The following DNAH1 variants were observed in gnomAD, a reference collection of about 807,000 sequenced individuals.
DNAH1 encodes the protein dynein axonemal heavy chain 1.
In DNAH1, 327 loss-of-function variants were observed where a neutral mutation model predicts 484.3. The ratio of observed to expected loss-of-function variants is 0.68; its 90% CI spans 0.62 to 0.74. The LOEUF (loss-of-function observed/expected upper bound fraction) is 0.74. DNAH1 is among the 30% of genes least tolerant of loss of function. The probability of loss-of-function intolerance (pLI) is 0.00; values close to 1 mark genes in which losing one functional copy is unlikely to be tolerated. For missense variants in DNAH1, 5,052 were observed against 5,546.8 expected (o/e 0.91, Z 2.83); for synonymous variants, 2,192 against 2,191.9 (o/e 1.00, Z 0.00).
chr3:52,326,727 T>G lies in DNAH1; in HGVS notation c.582-8T>G, dbSNP rs748258867. On this transcript the variant is annotated splice_polypyrimidine_tract_variant and splice_region_variant and intron_variant, in intron 4 of 77. Transcript: ENST00000420323. Reference sequence around the variant, plus strand: ...CCATCCTGAGGTCCCCTCCCTGCCCTTGACCAGGAGGAAACAGCAGTACCT... The same window carrying G: ...CCATCCTGAGGTCCCCTCCCTGCCCGTGACCAGGAGGAAACAGCAGTACCT... 6.3e-7 allele frequency: 1 copy of G among 1,598,374 alleles called. No homozygotes were observed. Among genetic ancestry groups the G allele is most frequent in the East Asian group, 2.2e-5 (1 of 44,544 alleles).
At position 52,350,064 on chromosome 3, in the gene DNAH1, C is replaced by T. The variant is rs778209826; in HGVS notation, c.2602C>T (p.Arg868Ter). 8 of 1,612,942 alleles carry T rather than the reference C, an allele frequency of 5.0e-6. No homozygotes were observed. The East Asian group carries it at 6.7e-5, about 13-fold the overall frequency. ...CAGCATTGAGGAGCTGGCTGAGCTGCGAGAGTGGATGAAGGGCATCCCGGA... is the reference window on the plus strand; with the variant it reads ...CAGCATTGAGGAGCTGGCTGAGCTGTGAGAGTGGATGAAGGGCATCCCGGA... ...PNSIEELAEL[R>*]EWMKGIPERL... Residue 868 changes from arginine (R) to a stop codon, truncating the protein, a stop_gained, in exon 15 of 78, where the codon CGA becomes TGA. Coordinates refer to ENST00000420323, the MANE Select transcript of DNAH1 (RefSeq NM_015512.5). LOFTEE classifies it high-confidence loss of function.
rs773034715 is a variant in DNAH1, at chr3:52,348,000, C to T, written c.2106+26C>T. 1.6e-5 allele frequency: 26 copies of T among 1,588,228 alleles called. No individual in the cohort carries two copies. In the Admixed American group the frequency reaches 4.6e-4, roughly 28 times the overall value. On this transcript the variant is annotated intron_variant, in intron 12 of 77. Transcript: ENST00000420323. ...GTACGTGCTGCAGCCTGAGCAGGCC[C>T]CAGGCACCTGCTGCCCTGGCTGCTG... is the stretch of plus-strand genomic sequence containing the variant.
In DNAH1 at chr3:52,399,139, A is replaced by ACTC. The variant is rs775898489; in HGVS notation, c.12380_12382dup (p.Thr4127_Leu4128insPro). 4 of 1,613,874 alleles carry ACTC rather than the reference A, an allele frequency of 2.5e-6. No homozygotes were observed. The South Asian group carries it at 4.4e-5, about 18-fold the overall frequency. ...CTTCCCCCAGGCTTTCTTAACAGGC[A>ACTC]CTCTGCAGAATTTTGCCCGCAAATT... On this transcript the variant is annotated inframe_insertion, in exon 76 of 78. Transcript: ENST00000420323.
intron 6 of DNAH1, among the ~76,000 whole-genome samples, chr3:52,329,554 G>A (rs1559492477): frequency 6.6e-6 from 1 of 152,092 alleles, no homozygotes; most frequent in Non-Finnish European, 1.5e-5. Context: ...GGGGCCAGGC[G>A]TGGTGGCTCA....
intron 44 of DNAH1, chr3:52,373,524 C>T: frequency 6.8e-7 from 1 of 1,461,786 alleles, no homozygotes. Flanking sequence ...TGTTGCTGTC[C>T]CGTCTACAGT....
chr3:52,315,550 C>G (rs976435922), upstream of DNAH1, among the ~76,000 whole-genome samples: 10 of 152,236 alleles, frequency 6.6e-5, no homozygotes, highest in African/African-American at 2.2e-4. Context: ...TCCAGGCCAC[C>G]AGAGTCCTCA....
chr3:52,388,644 G>T (rs1346471563), intron 58 of DNAH1, 35 bp downstream of exon 58: 1 of 1,611,376 alleles, frequency 6.2e-7, no homozygotes, highest in Non-Finnish European at 8.5e-7. Flanking sequence ...CTGCAAGCGG[G>T]CCCGGCCCAG....
rs766926437 is a variant in DNAH1 at position 52,348,970 on chromosome 3, G to A, written c.2189G>A (p.Arg730Gln). ...CATGAGCCACTGGTGGAAGAGCTAC[G>A]GGCCACCATTGCCAGTGCCGTGTCC... is the stretch of plus-strand genomic sequence containing the variant. ...GLHEPLVEELRATIASAVSKA... is the reference protein window; with the variant it reads ...GLHEPLVEELQATIASAVSKA... Residue 730 changes from arginine (R) to glutamine (Q), a missense_variant, in exon 13 of 78, where the codon CGG becomes CAG. Physicochemically the swap from Arg to Gln is conservative, Grantham distance 43. This residue lies in a region of DNAH1 where 1,263 missense variants were observed against 1,218.8 expected (regional missense o/e 1.04). Transcript: ENST00000420323. 6.8e-6 allele frequency: 11 copies of A among 1,613,312 alleles called. No individual in the cohort carries two copies. Among genetic ancestry groups the A allele is most frequent in the Middle Eastern group, 1.6e-4 (1 of 6,084 alleles).
chr3:52,386,557 G>T, intron 55 of DNAH1, 105 bp from the exon 56 acceptor site: 1 of 1,340,138 alleles, frequency 7.5e-7, no homozygotes, highest in Non-Finnish European at 1.0e-6. Flanking sequence ...CCCGTGTCCT[G>T]TGGTAGTAGA....
Position 52,388,897 on chromosome 3 carries a change from T to C in DNAH1, c.9455T>C (p.Leu3152Pro). 6.2e-7 allele frequency: 1 copy of C among 1,612,266 alleles called. No individual in the cohort carries two copies. Among genetic ancestry groups the C allele is most frequent in the Non-Finnish European group, 8.5e-7 (1 of 1,178,768 alleles). The change falls in exon 59 of 78, where the codon CTG (leucine) becomes CCG (proline). Residue 3152 changes from leucine (L) to proline (P), a missense_variant. This residue lies in a region of DNAH1 where 2,929 missense variants were observed against 3,409.4 expected (regional missense o/e 0.86). Transcript: ENST00000420323. ...YMLNNISGDV[L>P]VAAGFVAYLG... is the part of the protein sequence containing the mutation. Reference sequence around the variant, plus strand: ...CTCAACAACATCTCCGGCGATGTCCTGGTGGCCGCTGGCTTTGTGGCCTAC... The same window carrying C: ...CTCAACAACATCTCCGGCGATGTCCCGGTGGCCGCTGGCTTTGTGGCCTAC...
At chr3:52,337,002 C>T (rs1321722009) in intron 8 of DNAH1, among the ~76,000 whole-genome samples, 2 of 152,288 alleles carry the variant, frequency 1.3e-5, no homozygotes, top group East Asian at 3.9e-4. Context: ...TGTGTTGAAT[C>T]TGTAGATTGC....
chr3:52,331,327 T>TG lies in DNAH1; in HGVS notation c.1033+19dup. On this transcript the variant is annotated intron_variant, in intron 7 of 77. Coordinates refer to ENST00000420323, the MANE Select transcript of DNAH1 (RefSeq NM_015512.5). ...CACTGAAGGTATGAGGTCCTGCCGCTGCCCCAGGCAGAACCCCAGCTTGGG... is the reference window on the plus strand; with the variant it reads ...CACTGAAGGTATGAGGTCCTGCCGCTGGCCCCAGGCAGAACCCCAGCTTGGG... 1.3e-6 allele frequency: 2 copies of TG among 1,592,934 alleles called. No individual in the cohort carries two copies. Among genetic ancestry groups the TG allele is most frequent in the Non-Finnish European group, 1.7e-6 (2 of 1,170,154 alleles).
At position 52,382,446 on chromosome 3, in the gene DNAH1, A is replaced by G. The variant is rs767930538; in HGVS notation, c.7932A>G (p.Ser2644=). 2.5e-6 allele frequency: 4 copies of G among 1,613,800 alleles called. No individual in the cohort carries two copies. The highest frequency in any genetic ancestry group is 2.2e-5 in the South Asian group (2 of 91,080). The part of the protein sequence containing the change: ...LQNLPITFLF[S]DTQIKNESFL... Reference sequence around the variant, plus strand: ...ACCTACCCATCACCTTCCTCTTCTCAGACACCCAGGTGCCACTGCCACAGC... The same window carrying G: ...ACCTACCCATCACCTTCCTCTTCTCGGACACCCAGGTGCCACTGCCACAGC... Residue 2644 remains serine (S), a synonymous_variant, in exon 50 of 78, where the codon TCA becomes TCG. Transcript: ENST00000420323.
chr3:52,385,855 G>T (rs1704081056), intron 54 of DNAH1, among the ~76,000 whole-genome samples: 2 of 135,106 alleles, frequency 1.5e-5, no homozygotes, highest in South Asian at 4.5e-4. Context: ...CCAGTAGATA[G>T]AAAGAAGCTA....
rs773197580 is a variant in DNAH1, at chr3:52,347,912, TC to T, written c.2045del (p.Ser682PhefsTer3). The T allele has an allele frequency of 1.2e-6, 2 of 1,610,342 alleles. No individual in the cohort carries two copies. Among genetic ancestry groups the T allele is most frequent in the Non-Finnish European group, 1.7e-6 (2 of 1,178,366 alleles). Reference protein sequence around the residue: ...YSTPLEQFEASLLNLFDKGIL... With the variant: ...YSTPLEQFEAXLLNLFDKGIL... ...CACCCCACTGGAGCAGTTTGAGGCATCTCTGCTGAACCTCTTCGACAAGGGC... is the reference window on the plus strand; with the variant it reads ...CACCCCACTGGAGCAGTTTGAGGCATTCTGCTGAACCTCTTCGACAAGGGC... On this transcript the variant is annotated frameshift_variant, in exon 12 of 78. Transcript: ENST00000420323. LOFTEE classifies it high-confidence loss of function.
intron 74 of DNAH1, 75 bp from the exon 75 acceptor site, chr3:52,397,957 C>A: frequency 1.9e-6 from 3 of 1,582,682 alleles, no homozygotes; most frequent in Non-Finnish European, 1.7e-6. Context: ...GTGGGAAGGA[C>A]CCCTATGCAT....
chr3:52,363,217 G>A (rs1466217489), intron 32 of DNAH1, 73 bp downstream of exon 32: 1 of 1,584,718 alleles, frequency 6.3e-7, no homozygotes, highest in Admixed American at 1.7e-5. Flanking sequence ...GGCACCTGCT[G>A]AGGGCCAGGC....
At position 52,395,187 on chromosome 3, in the gene DNAH1, G is replaced by A; in HGVS notation, c.10969-121G>A. 1 of 1,492,936 alleles carries A rather than the reference G, an allele frequency of 6.7e-7. No individual in the cohort carries two copies. Among genetic ancestry groups the A allele is most frequent in the Non-Finnish European group, 9.0e-7 (1 of 1,112,306 alleles). The allele number at this position is 1,492,936 out of a possible 1,614,324, so 92.5% of individuals were successfully genotyped here. On this transcript the variant is annotated intron_variant, in intron 68 of 77. Coordinates refer to ENST00000420323, the MANE Select transcript of DNAH1 (RefSeq NM_015512.5). This position sits in a 1 kb window ranked among gnomAD's most constrained non-coding sequence, Gnocchi z 4.4. ...CCCCTGCTTGCTCCCTAAAGGCTCT[G>A]AGGTTCCAGCCCCCACCAGGAAGCC... is the stretch of plus-strand genomic sequence containing the variant.
At chr3:52,373,558 T>C (rs556555520) in intron 44 of DNAH1, 2 of 1,480,672 alleles carry the variant, frequency 1.4e-6, no homozygotes, top group South Asian at 2.3e-5. Context: ...AAAGTACCCG[T>C]CTCTCAGCCC....
Sources: allele counts gnomAD v4.1 joint callset (sites outside exome capture counted in the v4.1 genomes callset), GRCh38; gene constraint gnomAD v4.1.1; regional missense constraint gnomAD v4.1.1; non-coding constraint Gnocchi (gnomAD v3.1); transcripts MANE v1.5; gene names NCBI Gene and HGNC (gene_info 2026-07-23, HGNC 2026-07-21).